GIGYF2: variants seen among roughly 807,000 people sequenced by gnomAD.
GIGYF2 encodes GRB10 interacting GYF protein 2, also known as GRB10-interacting GYF protein 2.
In GIGYF2, 25 loss-of-function variants were observed where a neutral mutation model predicts 208.1. The observed-to-expected ratio is 0.12, with a 90% CI of 0.09 to 0.17. GIGYF2 has a LOEUF of 0.17. Ranked by LOEUF, GIGYF2 falls within the 10% of genes least tolerant of loss-of-function variation. GIGYF2 has a pLI of 1.00. For synonymous variants in GIGYF2, 534 were observed against 543.8 expected, an observed-to-expected ratio of 0.98 and a Z score of 0.25; for missense variants, 1,302 against 1,579.4, an observed-to-expected ratio of 0.82 and a Z score of 2.98.
chr2:232,721,190 G>C (rs1696928406), intron 2 of GIGYF2, among the ~76,000 whole-genome samples: 1 of 152,176 alleles, frequency 6.6e-6, no homozygotes, highest in East Asian at 1.9e-4. Context: ...AGTTCTCTCA[G>C]AATTCCTGAG....
rs1253195584 is a variant in GIGYF2 at position 232,794,641 on chromosome 2, C to T, written c.1283-107C>T. ...GCTTCACTGTTCATGACAGGGCTCA[C>T]GTTTTCTGTTTGGCCCATTTAGCAG... On this transcript the variant is annotated intron_variant, in intron 12 of 28. Transcript: ENST00000373563. 7.8e-5 allele frequency: 66 copies of T among 848,992 alleles called. 4 individuals are homozygous for T. The South Asian group carries it at 8.6e-4, about 11-fold the overall frequency. The allele number at this position is 848,992 out of a possible 1,614,324, so 52.6% of individuals were successfully genotyped here.
intron 2 of GIGYF2, among the ~76,000 whole-genome samples, chr2:232,722,335 C>G (rs1287466040): frequency 1.3e-5 from 2 of 152,152 alleles, no homozygotes; most frequent in Non-Finnish European, 2.9e-5. Flanking sequence ...CTACACAAGG[C>G]AGCAGGAGAG....
chr2:232,843,418 C>G (rs935886155), intron 23 of GIGYF2, among the ~76,000 whole-genome samples: 10 of 151,438 alleles, frequency 6.6e-5, no homozygotes, highest in African/African-American at 2.4e-4. Context: ...ATTAGCCAGG[C>G]GTGGTGTGGT....
At chr2:232,781,629 A>T (rs1286042936) in intron 8 of GIGYF2, among the ~76,000 whole-genome samples, 1 of 152,056 alleles carries the variant, frequency 6.6e-6, no homozygotes. Context: ...ATTTAGTTCT[A>T]TGTCTCCCCT....
intron 3 of GIGYF2, among the ~76,000 whole-genome samples, chr2:232,737,070 A>G (rs1697763133): frequency 6.6e-6 from 1 of 152,214 alleles, no homozygotes; most frequent in African/African-American, 2.4e-5. Flanking sequence ...ATTTGCTTCC[A>G]TATTTTCTGA....
intron 2 of GIGYF2, among the ~76,000 whole-genome samples, chr2:232,710,774 A>C (rs1033583144): frequency 1.4e-5 from 2 of 143,668 alleles, no homozygotes; most frequent in African/African-American, 5.2e-5. Flanking sequence ...TTCTCGGCTC[A>C]CTGCAACCTC....
chr2:232,858,439 C>G lies in GIGYF2; in HGVS notation c.*1579C>G. 1 of 449,754 alleles carries G rather than the reference C, an allele frequency of 2.2e-6. No homozygotes were observed. The highest frequency in any genetic ancestry group is 4.4e-6 in the Non-Finnish European group (1 of 225,380). The allele number at this position is 449,754 out of a possible 1,614,324, so 27.9% of individuals were successfully genotyped here. A position where few individuals can be genotyped will look rare whatever the true frequency, so the allele number is the denominator to read the frequency against. On this transcript the variant is annotated 3_prime_UTR_variant, in exon 29 of 29. Coordinates refer to ENST00000373563, the MANE Select transcript of GIGYF2 (RefSeq NM_001103146.3). ...ACAAAATTGTATATAGTTTTTGGAT[C>G]AAATAGCATGAGGGGAGAGGAAACC...
At chr2:232,770,968 G>A in intron 8 of GIGYF2, 1 of 1,613,956 alleles carries the variant, frequency 6.2e-7, no homozygotes, top group African/African-American at 1.3e-5. Flanking sequence ...GATTGCACTT[G>A]GACAGTCACC....
chr2:232,784,451 G>A (rs950832487), intron 8 of GIGYF2, among the ~76,000 whole-genome samples: 25 of 137,756 alleles, frequency 1.8e-4, no homozygotes, highest in Middle Eastern at 4.2e-3. Flanking sequence ...GAGCAGTGGC[G>A]TGATCTGGGC....
intron 5 of GIGYF2, among the ~76,000 whole-genome samples, chr2:232,750,249 A>G (rs1371880459): frequency 1.3e-5 from 2 of 152,196 alleles, no homozygotes; most frequent in Non-Finnish European, 2.9e-5. Flanking sequence ...CACTTGGTAC[A>G]AAAATGCAGA....
chr2:232,785,089 C>T (rs913126291), intron 8 of GIGYF2, among the ~76,000 whole-genome samples: 5 of 134,612 alleles, frequency 3.7e-5, no homozygotes, highest in Non-Finnish European at 3.2e-5. Context: ...ACTTCTTCTT[C>T]TTTTTTTTTT....
intron 21 of GIGYF2, among the ~76,000 whole-genome samples, chr2:232,823,742 T>C (rs1196979867): frequency 2.0e-5 from 3 of 152,208 alleles, no homozygotes; most frequent in African/African-American, 4.8e-5. Context: ...TTCATTGTTT[T>C]CCGAAAAAGT....
chr2:232,832,160 A>G (rs1366986434), intron 21 of GIGYF2, among the ~76,000 whole-genome samples: 1 of 152,370 alleles, frequency 6.6e-6, no homozygotes, highest in Admixed American at 6.5e-5. Context: ...GCTGACTTCT[A>G]TCTGACCTAC....
At chr2:232,836,263 CATATATATATATAT>C (rs1156576756) in intron 22 of GIGYF2, among the ~76,000 whole-genome samples, 1 of 38,632 alleles carries the variant, frequency 2.6e-5, no homozygotes, top group Non-Finnish European at 4.8e-5. Flanking sequence ...CCCATCTCTA[CATATATATATATAT>C]ATATATATAT....
chr2:232,846,849 T>C (rs1162089094), intron 26 of GIGYF2, among the ~76,000 whole-genome samples: 1 of 152,196 alleles, frequency 6.6e-6, no homozygotes, highest in African/African-American at 2.4e-5. Context: ...AATTTCAGAG[T>C]CAGGTTTTAA....
In GIGYF2 at chr2:232,787,297, G is replaced by A. The variant is rs761482589; in HGVS notation, c.680G>A (p.Arg227Lys). 1.2e-6 allele frequency: 2 copies of A among 1,613,996 alleles called. No individual in the cohort carries two copies. Among genetic ancestry groups the A allele is most frequent in the South Asian group, 2.2e-5 (2 of 91,090 alleles). ...DGGWRLAGSR[R>K]DGERWRPHSP... is the part of the protein sequence containing the mutation. ...GGTTGGCGACTAGCTGGATCAAGGA[G>A]GGATGGAGAGAGGTGGCGACCTCAC... Residue 227 changes from arginine (R) to lysine (K), a missense_variant, in exon 9 of 29, where the codon AGG becomes AAG. Coordinates refer to ENST00000373563, the MANE Select transcript of GIGYF2 (RefSeq NM_001103146.3).
At chr2:232,763,561 G>A (rs1014241948) in intron 8 of GIGYF2, among the ~76,000 whole-genome samples, 6 of 151,980 alleles carry the variant, frequency 3.9e-5, no homozygotes, top group South Asian at 4.1e-4. Flanking sequence ...ACAGTGGCTC[G>A]CACCTGTAAT....
chr2:232,701,854 G>T (rs1356401561), intron 1 of GIGYF2, among the ~76,000 whole-genome samples: 1 of 152,116 alleles, frequency 6.6e-6, no homozygotes, highest in East Asian at 1.9e-4. Context: ...CAGGAGGAAA[G>T]GGAAGAAGAA....
intron 3 of GIGYF2, chr2:232,735,929 G>A (rs1324683861): frequency 5.1e-6 from 5 of 983,996 alleles, no homozygotes. Context: ...TCAAACCTCG[G>A]GCAACCCCTT....
Sources: gnomAD v4.1 joint callset for allele counts (sites outside exome capture counted in the v4.1 genomes callset) on GRCh38, gnomAD v4.1.1 for gene constraint, MANE v1.5 for transcripts, NCBI Gene and HGNC (gene_info 2026-07-23, HGNC 2026-07-21) for gene names.